Variants in DMXL2 observed in about 807,000 individuals in gnomAD.
DMXL2 encodes dmX-like protein 2.
Under a neutral mutation model 331.1 loss-of-function variants are expected in DMXL2, and 103 were observed. That is an observed-to-expected ratio of 0.31 (90% CI 0.27 to 0.37). The LOEUF (loss-of-function observed/expected upper bound fraction) is 0.37. DMXL2 is among the 10% of genes least tolerant of loss of function. DMXL2 has a pLI of 1.00. For missense variants in DMXL2, 3,171 were observed against 3,642.9 expected (o/e 0.87, Z 3.33); for synonymous variants, 1,281 against 1,252.1 (o/e 1.02, Z -0.49).
chr15:51,522,244 T>G lies in DMXL2; in HGVS notation c.2437-5077A>C, dbSNP rs2047419070. On this transcript the variant is annotated intron_variant, in intron 13 of 43. Transcript: ENST00000560891. ...AGTCATATTTATGAACATTAACTATTACTAATGCCTTTAGAGATCTAATGA... is the reference window on the plus strand; with the variant it reads ...AGTCATATTTATGAACATTAACTATGACTAATGCCTTTAGAGATCTAATGA... 2.6e-5 allele frequency among the ~76,000 whole-genome samples: 4 copies of G among 152,340 alleles called. No homozygotes were observed. In the South Asian group the frequency reaches 8.3e-4, roughly 32 times the overall value.
At chr15:51,450,619 C>A in intron 42 of DMXL2, 1 of 407,830 alleles carries the variant, frequency 2.5e-6, no homozygotes, top group Non-Finnish European at 4.6e-6. Flanking sequence ...GATACTGCCT[C>A]ATAAAAAGTA....
chr15:51,528,217 G>A (rs564338656), intron 13 of DMXL2, among the ~76,000 whole-genome samples: 15 of 152,176 alleles, frequency 9.9e-5, no homozygotes, highest in African/African-American at 3.1e-4. Flanking sequence ...AAAATGGCAG[G>A]AGTAAGTCCT....
At position 51,487,938 on chromosome 15, in the gene DMXL2, G is replaced by A. The variant is rs2042518413; in HGVS notation, c.5217+16C>T. ...ATCTTTTACAAGTATTATATAGTGT[G>A]TTTTCTTATTTATACCTCTATGGCA... is the stretch of plus-strand genomic sequence containing the variant. On this transcript the variant is annotated intron_variant, in intron 22 of 43. Coordinates refer to ENST00000560891, the MANE Select transcript of DMXL2 (RefSeq NM_001378457.1). 6.3e-7 allele frequency: 1 copy of A among 1,581,868 alleles called. No individual in the cohort carries two copies. The highest frequency in any genetic ancestry group is 8.6e-7 in the Non-Finnish European group (1 of 1,167,776).
intron 1 of DMXL2, among the ~76,000 whole-genome samples, chr15:51,614,787 T>A (rs1380961015): frequency 6.6e-6 from 1 of 151,916 alleles, no homozygotes; most frequent in East Asian, 1.9e-4. Flanking sequence ...TTATTCTGAG[T>A]GGAAAAAAAA....
At chr15:51,510,737 C>T (rs887158360) in intron 15 of DMXL2, among the ~76,000 whole-genome samples, 2 of 152,156 alleles carry the variant, frequency 1.3e-5, no homozygotes, top group African/African-American at 4.8e-5. Flanking sequence ...GTAGCCAAGA[C>T]AAACCTAAGC....
Position 51,457,346 on chromosome 15 carries a change from A to G in DMXL2, c.8319T>C (p.Thr2773=), listed in dbSNP as rs2039718602. 3 of 1,614,066 alleles carry G rather than the reference A, an allele frequency of 1.9e-6. No individual in the cohort carries two copies. Among genetic ancestry groups the G allele is most frequent in the Non-Finnish European group, 8.5e-7 (1 of 1,180,012 alleles). ...SSLPWLGTGQ[T]STGASVLMKR... is the part of the protein sequence containing the mutation. Reference sequence around the variant, plus strand: ...AACATACCACACTAGCTCCAGTGCTAGTCTGTCCAGTGCCCAGCCATGGCA... The same window carrying G: ...AACATACCACACTAGCTCCAGTGCTGGTCTGTCCAGTGCCCAGCCATGGCA... Residue 2773 remains threonine, a synonymous_variant, in exon 37 of 44, where the codon ACT becomes ACC. Transcript: ENST00000560891.
chr15:51,480,479 T>A (rs2041932227), intron 24 of DMXL2, 63 bp downstream of exon 24: 1 of 1,464,838 alleles, frequency 6.8e-7, no homozygotes, highest in Admixed American at 2.3e-5. Context: ...TTTATAGCTA[T>A]AACTGGAAGA....
rs1316661541 is a variant in DMXL2 at position 51,459,585 on chromosome 15, C to G, written c.7989+13G>C. Reference sequence around the variant, plus strand: ...TTAAAGAATGAGCTAAATACAAGATCTTGGAATACTACCTTGATGTGGCAA... The same window carrying G: ...TTAAAGAATGAGCTAAATACAAGATGTTGGAATACTACCTTGATGTGGCAA... On this transcript the variant is annotated intron_variant, in intron 34 of 43. Transcript: ENST00000560891. 3.9e-6 allele frequency: 5 copies of G among 1,289,610 alleles called. No homozygotes were observed. Among genetic ancestry groups the G allele is most frequent in the Non-Finnish European group, 5.1e-6 (5 of 988,800 alleles). 79.9% of individuals were successfully genotyped at this position (1,289,610 alleles called of 1,614,324 possible).
intron 20 of DMXL2, among the ~76,000 whole-genome samples, chr15:51,488,980 G>C (rs2042600166): frequency 1.3e-5 from 2 of 152,154 alleles, no homozygotes; most frequent in African/African-American, 4.8e-5. Context: ...TATAGATAAA[G>C]TGACTGAGAC....
At chr15:51,568,734 C>CA (rs1261147953) in intron 2 of DMXL2, among the ~76,000 whole-genome samples, 176 bp from the exon 3 acceptor site, 1 of 152,078 alleles carries the variant, frequency 6.6e-6, no homozygotes, top group African/African-American at 2.4e-5. Flanking sequence ...CCCCTGTTAT[C>CA]AAAAAATTCA....
chr15:51,450,093 G>GTCTT (rs772385800), intron 43 of DMXL2, 36 bp downstream of exon 43: 14 of 1,581,500 alleles, frequency 8.9e-6, no homozygotes, highest in Non-Finnish European at 1.1e-5. Context: ...TTTCCAATCA[G>GTCTT]TCTTTAGCAC....
chr15:51,545,775 A>C lies in DMXL2; in HGVS notation c.747-9T>G, dbSNP rs2048854717. The C allele has an allele frequency of 1.3e-6, 2 of 1,599,286 alleles. No individual in the cohort carries two copies. The highest frequency in any genetic ancestry group is 2.7e-5 in the African/African-American group (2 of 74,362). ...CATTACAGACAGAACCCCTAACAACAAAGAGAAATAAATAAAGGTTAATGT... is the reference window on the plus strand; with the variant it reads ...CATTACAGACAGAACCCCTAACAACCAAGAGAAATAAATAAAGGTTAATGT... On this transcript the variant is annotated splice_polypyrimidine_tract_variant and intron_variant, in intron 7 of 43. Coordinates refer to ENST00000560891, the MANE Select transcript of DMXL2 (RefSeq NM_001378457.1).
At chr15:51,600,503 T>G (rs577061656) in intron 1 of DMXL2, among the ~76,000 whole-genome samples, 2 of 152,318 alleles carry the variant, frequency 1.3e-5, no homozygotes, top group East Asian at 3.9e-4. Flanking sequence ...TCCCATCCAC[T>G]GGTTGCACTT....
At chr15:51,458,176 T>C (rs2039808996) in intron 36 of DMXL2, 2 of 191,460 alleles carry the variant, frequency 1.0e-5, no homozygotes. Context: ...ACTGCAAAAT[T>C]ACTCGGTAAA....
At chr15:51,574,669 A>C (rs1427248908) in intron 2 of DMXL2, among the ~76,000 whole-genome samples, 1 of 152,216 alleles carries the variant, frequency 6.6e-6, no homozygotes, top group Admixed American at 6.5e-5. Flanking sequence ...CACCACAAGG[A>C]CTGGGGGATA....
intron 1 of DMXL2, among the ~76,000 whole-genome samples, chr15:51,582,308 T>C (rs2051483958): frequency 6.6e-6 from 1 of 152,226 alleles, no homozygotes; most frequent in African/African-American, 2.4e-5. Flanking sequence ...CAGCCCTCTT[T>C]ACTGTTTTTT....
chr15:51,597,807 T>A (rs141635949), intron 1 of DMXL2, among the ~76,000 whole-genome samples: 1 of 152,336 alleles, frequency 6.6e-6, no homozygotes, highest in East Asian at 1.9e-4. Flanking sequence ...ACCAGATACA[T>A]GTGAGAGTAA....
intron 1 of DMXL2, among the ~76,000 whole-genome samples, chr15:51,580,922 C>T (rs2051365657): frequency 1.3e-5 from 2 of 151,266 alleles, no homozygotes; most frequent in Admixed American, 1.3e-4. Context: ...AAGTTTTCAA[C>T]CTGAAGTCTA....
intron 29 of DMXL2, among the ~76,000 whole-genome samples, chr15:51,470,489 G>T (rs2040999654): frequency 6.6e-6 from 1 of 152,006 alleles, no homozygotes; most frequent in Non-Finnish European, 1.5e-5. Flanking sequence ...ACTTTTTAAG[G>T]ATCAGCTTAG....
Sources: gnomAD v4.1 joint callset for allele counts (sites outside exome capture counted in the v4.1 genomes callset) on GRCh38, gnomAD v4.1.1 for gene constraint, MANE v1.5 for transcripts, NCBI Gene and HGNC (gene_info 2026-07-23, HGNC 2026-07-21) for gene names.